The following TLN2 variants were observed in gnomAD, a reference collection of about 807,000 sequenced individuals.
TLN2 encodes talin 2.
In TLN2, 118 loss-of-function variants were observed where a neutral mutation model predicts 294.7. The observed-to-expected ratio is 0.40, with a 90% CI of 0.34 to 0.47. The LOEUF (loss-of-function observed/expected upper bound fraction) is 0.47, where lower values mean the gene tolerates loss of function less well. TLN2 is among the 20% of genes least tolerant of loss of function. The probability of loss-of-function intolerance (pLI) is 0.84; values close to 1 mark genes in which losing one functional copy is unlikely to be tolerated. For synonymous variants in TLN2, 1,431 were observed against 1,304.5 expected (o/e 1.10, Z -2.09); for missense variants, 3,083 against 3,282.2 (o/e 0.94, Z 1.48).
chr15:62,747,548 G>T (rs1357440219), intron 32 of TLN2, among the ~76,000 whole-genome samples: 2 of 152,106 alleles, frequency 1.3e-5, no homozygotes, highest in Admixed American at 1.3e-4. Flanking sequence ...GGGTTATCTT[G>T]TTCCATGGGG....
chr15:62,677,425 A>T (rs895279249), intron 11 of TLN2, among the ~76,000 whole-genome samples: 21 of 152,218 alleles, frequency 1.4e-4, no homozygotes, highest in Admixed American at 7.2e-4. Flanking sequence ...TAGGTCAGTA[A>T]ATTTAGGATG....
In TLN2 at chr15:62,773,126, C is replaced by T. The variant is rs963467042; in HGVS notation, c.5367+1992C>T. ...TTACAGTGCTGACTGTCTGTGCTCC[C>T]AGCCATCAGAGATGGGGTCTCGCCA... On this transcript the variant is annotated intron_variant, in intron 42 of 58. Coordinates refer to ENST00000636159, the MANE Select transcript of TLN2 (RefSeq NM_015059.3). Among the ~76,000 whole-genome samples the T allele has an allele frequency of 4.0e-5, 5 of 123,674 alleles. No homozygotes were observed. In the East Asian group the frequency reaches 1.1e-3, roughly 28 times the overall value. 81.1% of individuals were successfully genotyped at this position (123,674 alleles called of 152,430 possible).
At chr15:62,724,521 T>C (rs1312652219) in intron 26 of TLN2, among the ~76,000 whole-genome samples, 1 of 152,212 alleles carries the variant, frequency 6.6e-6, no homozygotes, top group African/African-American at 2.4e-5. Flanking sequence ...AGTAATGATT[T>C]ATAATCTAGA....
chr15:62,828,532 T>C (rs1019098902), intron 54 of TLN2: 3 of 152,238 alleles, frequency 2.0e-5, no homozygotes, highest in African/African-American at 7.2e-5. Context: ...TGCCACTGTG[T>C]TTACATTTGT....
At chr15:62,742,557 G>T (rs1460670798) in intron 32 of TLN2, among the ~76,000 whole-genome samples, 1 of 152,150 alleles carries the variant, frequency 6.6e-6, no homozygotes, top group African/African-American at 2.4e-5. Flanking sequence ...AAAGAATATT[G>T]CTGGTGTATG....
chr15:62,708,399 C>A, intron 20 of TLN2, 103 bp from the exon 21 acceptor site: 1 of 1,234,126 alleles, frequency 8.1e-7, no homozygotes, highest in Non-Finnish European at 1.1e-6. Flanking sequence ...AAGTAAGAAA[C>A]CGAGGCCCAG....
At chr15:62,630,696 C>T (rs1196393573) in intron 3 of TLN2, among the ~76,000 whole-genome samples, 6 of 151,556 alleles carry the variant, frequency 4.0e-5, no homozygotes, top group Admixed American at 2.0e-4. Flanking sequence ...TGAGTTCCAC[C>T]GTTACCTTTT....
At chr15:62,762,190 C>A in intron 38 of TLN2, 82 bp from the exon 39 acceptor site, 2 of 1,495,592 alleles carry the variant, frequency 1.3e-6, no homozygotes, top group Non-Finnish European at 1.8e-6. Flanking sequence ...GGTGATTTGG[C>A]AAAGAACAGG....
At chr15:62,653,901 GTTAA>G (rs1448012169) in intron 7 of TLN2, among the ~76,000 whole-genome samples, 1 of 152,010 alleles carries the variant, frequency 6.6e-6, no homozygotes, top group Admixed American at 6.5e-5. Flanking sequence ...AAGTTAATTA[GTTAA>G]TTAATTTGTT....
chr15:62,691,341 T>C (rs964515903), intron 12 of TLN2, among the ~76,000 whole-genome samples: 3 of 152,208 alleles, frequency 2.0e-5, no homozygotes, highest in African/African-American at 7.2e-5. Flanking sequence ...TCAGGTTTAC[T>C]GATTTTATTT....
chr15:62,458,192 T>C (rs2036588533), intron 1 of TLN2, among the ~76,000 whole-genome samples: 1 of 152,086 alleles, frequency 6.6e-6, no homozygotes, highest in Non-Finnish European at 1.5e-5. Flanking sequence ...TGAGGGCTTA[T>C]GTAGCGATGA....
At chr15:62,595,975 C>T (rs2046468001) in intron 2 of TLN2, among the ~76,000 whole-genome samples, 1 of 152,116 alleles carries the variant, frequency 6.6e-6, no homozygotes, top group Admixed American at 6.5e-5. Flanking sequence ...ATGGTGACTA[C>T]AGTTAATAAT....
chr15:62,450,988 T>G (rs2036106678), intron 1 of TLN2, among the ~76,000 whole-genome samples: 2 of 152,034 alleles, frequency 1.3e-5, no homozygotes, highest in South Asian at 4.2e-4. Flanking sequence ...TTTTTTTTTT[T>G]TGGTAGAGAT....
intron 1 of TLN2, among the ~76,000 whole-genome samples, chr15:62,399,252 C>CAAAAA (rs1275645462): frequency 3.9e-4 from 1 of 2,592 alleles, no homozygotes; most frequent in Non-Finnish European, 1.4e-3. Flanking sequence ...GACTCCGTCT[C>CAAAAA]AAACAAAAAA....
chr15:62,808,899 G>A (rs539611176), intron 51 of TLN2, among the ~76,000 whole-genome samples: 1 of 152,222 alleles, frequency 6.6e-6, no homozygotes, highest in Non-Finnish European at 1.5e-5. Context: ...GTAAGTCAAG[G>A]GGGGAGCCCA....
chr15:62,749,777 T>G (rs2061821548), intron 33 of TLN2, among the ~76,000 whole-genome samples: 1 of 152,230 alleles, frequency 6.6e-6, no homozygotes, highest in South Asian at 2.1e-4. Flanking sequence ...TACAATGCCA[T>G]GACAGAGCTA....
intron 19 of TLN2, 96 bp downstream of exon 19, chr15:62,702,960 T>C (rs1420871605): frequency 1.5e-5 from 17 of 1,104,176 alleles, no homozygotes; most frequent in Non-Finnish European, 2.3e-5. Context: ...TAACTAAATC[T>C]TTGAGATAGT....
At chr15:62,754,071 C>A in intron 36 of TLN2, 155 bp downstream of exon 36, 2 of 1,020,190 alleles carry the variant, frequency 2.0e-6, no homozygotes, top group Non-Finnish European at 1.3e-6. Flanking sequence ...CAGGTGGGAG[C>A]AAATATTGCA....
At chr15:62,478,786 T>C (rs2037925504) in intron 1 of TLN2, among the ~76,000 whole-genome samples, 1 of 152,226 alleles carries the variant, frequency 6.6e-6, no homozygotes, top group African/African-American at 2.4e-5. Flanking sequence ...ATTTCGTCTA[T>C]TTTGTATTAG....
Sources: gnomAD v4.1 joint callset for allele counts (sites outside exome capture counted in the v4.1 genomes callset) on GRCh38, gnomAD v4.1.1 for gene constraint, MANE v1.5 for transcripts, NCBI Gene and HGNC (gene_info 2026-07-23, HGNC 2026-07-21) for gene names.